The following SOX5 variants were observed in gnomAD, a reference collection of about 807,000 sequenced individuals.
SOX5 encodes transcription factor SOX-5.
In SOX5, 9 loss-of-function variants were observed where a neutral mutation model predicts 92.0. The ratio of observed to expected loss-of-function variants is 0.10; its 90% CI spans 0.06 to 0.17. The LOEUF (loss-of-function observed/expected upper bound fraction) is 0.17. Ranked by LOEUF, SOX5 falls within the 10% of genes least tolerant of loss-of-function variation. The pLI is 1.00. For synonymous variants in SOX5, 344 were observed against 336.3 expected, an observed-to-expected ratio of 1.02 and a Z score of -0.25; for missense variants, 642 against 944.5, an observed-to-expected ratio of 0.68 and a Z score of 4.20.
chr12:23,626,523 C>T (rs77332926), intron 8 of SOX5, among the ~76,000 whole-genome samples: 6,419 of 152,144 alleles, frequency 0.042, 448 homozygotes, highest in African/African-American at 0.14. Flanking sequence ...CTTTCGAATG[C>T]CTCAAATCAA....
rs748289889 is a variant in SOX5, at chr12:24,151,568, G to GT, written c.-2+61774dup. The stretch of plus-strand genomic sequence containing the variant: ...AGTGATGATGATGATAATGTGTGAG[G>GT]TTTTTTTTTGTTTTGTTTTGTTTTT... On this transcript the variant is annotated intron_variant, in intron 4 of 4. Coordinates refer to the SOX5 transcript ENST00000446891. 4.0e-4 allele frequency among the ~76,000 whole-genome samples: 61 copies of GT among 151,394 alleles called. 1 individual carries two copies. Among genetic ancestry groups the GT allele is most frequent in the East Asian group, 2.3e-3 (12 of 5,174 alleles).
chr12:24,308,075 G>A (rs1231348940), intron 2 of SOX5, among the ~76,000 whole-genome samples: 1 of 151,718 alleles, frequency 6.6e-6, no homozygotes, highest in Non-Finnish European at 1.5e-5. Flanking sequence ...TAAGATCTCT[G>A]CAGTTAGGTG....
At chr12:24,074,050 A>G (rs755973749) in intron 4 of SOX5, among the ~76,000 whole-genome samples, 7 of 152,112 alleles carry the variant, frequency 4.6e-5, no homozygotes, top group Non-Finnish European at 7.4e-5. Flanking sequence ...CATCCCTCAA[A>G]AAAAAAAGCT....
Position 24,547,996 on chromosome 12 carries a change from T to C in SOX5, c.-251+14333A>G, listed in dbSNP as rs568461372. On this transcript the variant is annotated intron_variant, in intron 1 of 4. Transcript: ENST00000446891. ...CTTCAAAGAATAAAGTTTATAACCA[T>C]AAACTGCTATTGTATGCTGAGATTC... Among the ~76,000 whole-genome samples the C allele has an allele frequency of 3.9e-5, 6 of 152,340 alleles. No homozygotes were observed. The East Asian group carries it at 7.7e-4, about 20-fold the overall frequency.
intron 4 of SOX5, among the ~76,000 whole-genome samples, chr12:24,071,834 G>C (rs1410900389): frequency 6.6e-6 from 1 of 152,138 alleles, no homozygotes; most frequent in East Asian, 1.9e-4. Context: ...CTTGAGGAGG[G>C]GTAGATTATG....
At chr12:24,323,366 G>A (rs960404940) in intron 2 of SOX5, among the ~76,000 whole-genome samples, 9 of 151,180 alleles carry the variant, frequency 6.0e-5, no homozygotes, top group African/African-American at 1.9e-4. Flanking sequence ...TATAATTAGT[G>A]ATAGACTAGT....
chr12:24,520,183 G>C (rs1950145216), intron 1 of SOX5, among the ~76,000 whole-genome samples: 1 of 152,074 alleles, frequency 6.6e-6, no homozygotes, highest in African/African-American at 2.4e-5. Flanking sequence ...AATGCTTAAA[G>C]GAGTCCTTTG....
intron 4 of SOX5, among the ~76,000 whole-genome samples, chr12:23,964,732 T>G (rs1947340923): frequency 6.6e-6 from 1 of 152,232 alleles, no homozygotes; most frequent in South Asian, 2.1e-4. Flanking sequence ...AATCGAGCAG[T>G]AATGACTTTA....
chr12:23,816,371 G>A (rs911256623), intron 3 of SOX5, among the ~76,000 whole-genome samples: 5 of 151,926 alleles, frequency 3.3e-5, no homozygotes, highest in South Asian at 2.1e-4. Context: ...CACGATGCCC[G>A]GCTAATTTTT....
At chr12:24,379,042 A>T (rs1447043010) in intron 1 of SOX5, among the ~76,000 whole-genome samples, 6 of 152,192 alleles carry the variant, frequency 3.9e-5, no homozygotes, top group African/African-American at 1.2e-4. Flanking sequence ...CACAGCTCTT[A>T]CCCATTGGAA....
intron 10 of SOX5, among the ~76,000 whole-genome samples, chr12:23,569,913 T>C (rs1947845550): frequency 6.6e-6 from 1 of 152,252 alleles, no homozygotes; most frequent in South Asian, 2.1e-4. Flanking sequence ...CTACTTAGCA[T>C]TTTTTAGTAC....
intron 4 of SOX5, among the ~76,000 whole-genome samples, chr12:24,146,204 T>C (rs922161124): frequency 1.3e-5 from 2 of 151,798 alleles, no homozygotes; most frequent in African/African-American, 4.8e-5. Context: ...TCAGTCTGCA[T>C]GGAATATTTA....
At chr12:24,284,190 G>C (rs1485824287) in intron 2 of SOX5, among the ~76,000 whole-genome samples, 1 of 152,214 alleles carries the variant, frequency 6.6e-6, no homozygotes, top group Non-Finnish European at 1.5e-5. Flanking sequence ...TGAAGATTTT[G>C]TGTGAACAGC....
At chr12:24,070,909 C>T (rs1941674156) in intron 4 of SOX5, among the ~76,000 whole-genome samples, 1 of 152,126 alleles carries the variant, frequency 6.6e-6, no homozygotes, top group Non-Finnish European at 1.5e-5. Flanking sequence ...ATTAATTTTG[C>T]CTAGAACAAA....
At chr12:24,559,288 C>G (rs1485405617) in intron 1 of SOX5, among the ~76,000 whole-genome samples, 2 of 152,192 alleles carry the variant, frequency 1.3e-5, no homozygotes, top group Admixed American at 6.5e-5. Flanking sequence ...ATAGCATTCT[C>G]TACCACTGAA....
intron 6 of SOX5, among the ~76,000 whole-genome samples, chr12:23,672,402 C>T (rs1447429201): frequency 6.6e-6 from 1 of 152,126 alleles, no homozygotes; most frequent in South Asian, 2.1e-4. Context: ...CTGCCTGTCA[C>T]ATTTTCTTTT....
intron 3 of SOX5, among the ~76,000 whole-genome samples, chr12:23,773,060 G>T (rs1159040008): frequency 2.6e-5 from 4 of 152,172 alleles, no homozygotes; most frequent in East Asian, 3.9e-4. Context: ...TCTAATAAAG[G>T]AGTCAAATCT....
intron 3 of SOX5, among the ~76,000 whole-genome samples, chr12:23,844,429 T>C (rs1412920280): frequency 2.0e-5 from 3 of 152,134 alleles, no homozygotes; most frequent in Non-Finnish European, 4.4e-5. Context: ...AAACACATCC[T>C]AAGGTTAAGA....
intron 6 of SOX5, among the ~76,000 whole-genome samples, chr12:23,705,902 C>T (rs967733866): frequency 6.6e-6 from 1 of 152,014 alleles, no homozygotes; most frequent in Non-Finnish European, 1.5e-5. Flanking sequence ...TGCTACTTTT[C>T]TCTTGCTCAG....
Sources: gnomAD v4.1 joint callset for allele counts (sites outside exome capture counted in the v4.1 genomes callset) on GRCh38, gnomAD v4.1.1 for gene constraint, MANE v1.5 for transcripts, NCBI Gene and HGNC (gene_info 2026-07-23, HGNC 2026-07-21) for gene names.